The following COBL variants were observed in gnomAD, a reference collection of about 807,000 sequenced individuals.
COBL encodes the protein cordon-bleu WH2 repeat protein.
In COBL, 51 loss-of-function variants were observed where a neutral mutation model predicts 98.8. That is an observed-to-expected ratio of 0.52 (90% CI 0.41 to 0.65). The LOEUF (loss-of-function observed/expected upper bound fraction) is 0.65. Among genes scored for constraint, COBL ranks in the 30% least tolerant of loss-of-function variants. The pLI is 0.00. For missense variants in COBL, 1,617 were observed against 1,617.5 expected (o/e 1.00, Z 0.01); for synonymous variants, 634 against 651.7 (o/e 0.97, Z 0.41).
chr7:51,144,814 T>C (rs1329270272), intron 5 of COBL, among the ~76,000 whole-genome samples: 2 of 152,262 alleles, frequency 1.3e-5, no homozygotes, highest in African/African-American at 4.8e-5. Context: ...GATCTTTGTG[T>C]TTGGCTTTCA....
chr7:51,303,611 T>C (rs978828479), intron 1 of COBL, among the ~76,000 whole-genome samples: 5 of 152,200 alleles, frequency 3.3e-5, no homozygotes, highest in African/African-American at 1.2e-4. Context: ...TGAGCACCTA[T>C]TTATTTATAT....
At chr7:51,066,553 G>T (rs1472334775) in intron 7 of COBL, among the ~76,000 whole-genome samples, 2 of 152,260 alleles carry the variant, frequency 1.3e-5, no homozygotes, top group East Asian at 3.9e-4. Flanking sequence ...TATCATCTAC[G>T]TGCTGTTTTC....
intron 10 of COBL, among the ~76,000 whole-genome samples, chr7:51,026,999 G>A (rs1035807546): frequency 1.3e-5 from 2 of 152,190 alleles, no homozygotes; most frequent in African/African-American, 2.4e-5. Context: ...CAAAGGCTAC[G>A]TAGTTTCAAA....
chr7:51,024,401 A>G (rs1190233515), intron 12 of COBL, among the ~76,000 whole-genome samples: 1 of 152,218 alleles, frequency 6.6e-6, no homozygotes, highest in Non-Finnish European at 1.5e-5. Flanking sequence ...CACACCCACT[A>G]GGAATGGGCA....
At chr7:51,213,497 C>G (rs901504317) in intron 2 of COBL, among the ~76,000 whole-genome samples, 4 of 152,138 alleles carry the variant, frequency 2.6e-5, no homozygotes, top group African/African-American at 9.7e-5. Context: ...GTCCCTGATG[C>G]CAAAAAGCTT....
intron 5 of COBL, among the ~76,000 whole-genome samples, chr7:51,136,571 C>T (rs887611638): frequency 6.6e-6 from 1 of 152,182 alleles, no homozygotes; most frequent in Non-Finnish European, 1.5e-5. Flanking sequence ...AAGGCCATGG[C>T]AGACTCTTTA....
At chr7:51,300,652 T>C (rs558668373) in intron 1 of COBL, among the ~76,000 whole-genome samples, 155 of 152,260 alleles carry the variant, frequency 1.0e-3, no homozygotes, top group Non-Finnish European at 1.3e-3. Context: ...CTGGGGCTCA[T>C]TGTACTCGTG....
At position 51,128,536 on chromosome 7, in the gene COBL, C is replaced by G. The variant is rs529018051; in HGVS notation, c.957+7622G>C. ...AGGGGAGAGAAATGAGAGGGAGGGG[C>G]GGGGAGCAGGTGCTGAAGAATCCTC... On this transcript the variant is annotated intron_variant, in intron 6 of 12. Coordinates refer to ENST00000265136, the MANE Select transcript of COBL (RefSeq NM_015198.5). Among the ~76,000 whole-genome samples the G allele has an allele frequency of 3.3e-5, 5 of 149,844 alleles. 1 individual carries two copies. Among genetic ancestry groups the G allele is most frequent in the African/African-American group, 1.2e-4 (5 of 40,520 alleles).
chr7:51,291,650 ACT>A (rs1269556165), intron 1 of COBL, among the ~76,000 whole-genome samples: 1 of 151,850 alleles, frequency 6.6e-6, no homozygotes, highest in Non-Finnish European at 1.5e-5. Context: ...AATCCCAGCT[ACT>A]CGGGTGGCTG....
chr7:51,260,939 C>T (rs1255807539), intron 1 of COBL, among the ~76,000 whole-genome samples: 1 of 152,118 alleles, frequency 6.6e-6, no homozygotes, highest in Non-Finnish European at 1.5e-5. Flanking sequence ...CCTGCCTTTC[C>T]CCAAAACCTT....
intron 10 of COBL, 85 bp from the exon 11 acceptor site, chr7:51,026,750 G>A: frequency 6.6e-7 from 1 of 1,524,686 alleles, no homozygotes; most frequent in Non-Finnish European, 8.9e-7. Context: ...ACCCACTCAT[G>A]GGCCAGGCAC....
intron 8 of COBL, among the ~76,000 whole-genome samples, chr7:51,037,980 T>C (rs1292059488): frequency 6.6e-6 from 1 of 152,152 alleles, no homozygotes; most frequent in Non-Finnish European, 1.5e-5. Context: ...GCCTCCCTAG[T>C]AGCTGGGATT....
chr7:51,132,232 T>G (rs145329220), intron 6 of COBL, among the ~76,000 whole-genome samples: 1 of 152,258 alleles, frequency 6.6e-6, no homozygotes, highest in Non-Finnish European at 1.5e-5. Flanking sequence ...TGGCTACTTC[T>G]GTCCCCCACT....
At chr7:51,104,882 A>T (rs1408041816) in intron 6 of COBL, among the ~76,000 whole-genome samples, 1 of 152,216 alleles carries the variant, frequency 6.6e-6, no homozygotes, top group Non-Finnish European at 1.5e-5. Flanking sequence ...AAGTATGAGC[A>T]GCCAGCCTGA....
At chr7:51,095,570 T>A (rs1795198805) in intron 6 of COBL, among the ~76,000 whole-genome samples, 1 of 152,076 alleles carries the variant, frequency 6.6e-6, no homozygotes, top group Admixed American at 6.6e-5. Context: ...AATCAAAATA[T>A]ATAATCAAAA....
intron 1 of COBL, among the ~76,000 whole-genome samples, chr7:51,298,924 T>C (rs1801659580): frequency 6.6e-6 from 1 of 152,164 alleles, no homozygotes; most frequent in Non-Finnish European, 1.5e-5. Context: ...ATCTCAGCTC[T>C]CCTCTTCCTC....
intron 7 of COBL, among the ~76,000 whole-genome samples, chr7:51,052,628 A>G (rs1250000051): frequency 6.6e-6 from 1 of 152,202 alleles, no homozygotes; most frequent in African/African-American, 2.4e-5. Context: ...ATTAAAACAC[A>G]TAAATTTTAT....
intron 2 of COBL, among the ~76,000 whole-genome samples, chr7:51,201,569 T>C (rs984430188): frequency 6.6e-6 from 1 of 152,150 alleles, no homozygotes; most frequent in African/African-American, 2.4e-5. Flanking sequence ...GGTAGAAAGA[T>C]CAATCAATAA....
intron 2 of COBL, among the ~76,000 whole-genome samples, chr7:51,207,444 T>C (rs1200945814): frequency 6.6e-6 from 1 of 152,114 alleles, no homozygotes; most frequent in East Asian, 1.9e-4. Context: ...ATGGTCTCCC[T>C]CTCCCTCTCT....
Sources: allele counts gnomAD v4.1 joint callset (sites outside exome capture counted in the v4.1 genomes callset), GRCh38; gene constraint gnomAD v4.1.1; transcripts MANE v1.5; gene names NCBI Gene and HGNC (gene_info 2026-07-23, HGNC 2026-07-21).